The following MAF variants were observed in gnomAD, a reference collection of about 807,000 sequenced individuals.
The protein encoded by MAF is MAF bZIP transcription factor, also known as transcription factor Maf.
Under a neutral mutation model 22.0 loss-of-function variants are expected in MAF, and 10 were observed. That is an observed-to-expected ratio of 0.45 (90% CI 0.28 to 0.77). The LOEUF (loss-of-function observed/expected upper bound fraction) is 0.77, where lower values mean the gene tolerates loss of function less well. Ranked by LOEUF, MAF falls within the 30% of genes least tolerant of loss-of-function variation. The pLI is 0.12. For synonymous variants in MAF, 337 were observed against 255.8 expected (o/e 1.32, Z -3.03); for missense variants, 544 against 548.4 (o/e 0.99, Z 0.08).
chr16:79,410,892 G>A, the MAF span, among the ~76,000 whole-genome samples: 2 of 152,172 alleles, frequency 1.3e-5, no homozygotes, highest in African/African-American at 4.8e-5. Context: ...TTGCATAGAG[G>A]TGGATACCTG....
chr16:79,294,323 TGTTAGA>T, the MAF span, among the ~76,000 whole-genome samples: 3 of 152,246 alleles, frequency 2.0e-5, no homozygotes, highest in African/African-American at 4.8e-5. Flanking sequence ...CAATCATTGC[TGTTAGA>T]GTTAAACTGT....
the MAF span, among the ~76,000 whole-genome samples, chr16:79,479,686 T>G: frequency 6.6e-6 from 1 of 152,218 alleles, no homozygotes; most frequent in African/African-American, 2.4e-5. Context: ...CTACCTTATA[T>G]GCTAGGCAGA....
At chr16:79,243,285 T>C in the MAF span, among the ~76,000 whole-genome samples, 3 of 151,670 alleles carry the variant, frequency 2.0e-5, no homozygotes, top group Non-Finnish European at 4.4e-5. Context: ...TTTTTTATTT[T>C]TTTATTTTTG....
chr16:79,281,020 G>A, the MAF span, among the ~76,000 whole-genome samples: 6 of 152,038 alleles, frequency 3.9e-5, no homozygotes. Flanking sequence ...AAAGGCAGGT[G>A]AAAAAGCAGC....
chr16:79,312,633 T>C, the MAF span, among the ~76,000 whole-genome samples: 1 of 152,216 alleles, frequency 6.6e-6, no homozygotes, highest in Non-Finnish European at 1.5e-5. Context: ...TAGGACCGTC[T>C]CTGAAGGAAA....
chr16:79,488,352 T>A, the MAF span, among the ~76,000 whole-genome samples: 12 of 152,078 alleles, frequency 7.9e-5, no homozygotes, highest in Non-Finnish European at 1.5e-4. Flanking sequence ...ACCCCCTTAC[T>A]CTCCAGGTGC....
At chr16:79,266,886 C>T in the MAF span, among the ~76,000 whole-genome samples, 1 of 152,176 alleles carries the variant, frequency 6.6e-6, no homozygotes, top group Non-Finnish European at 1.5e-5. Context: ...TAGAAGTGTT[C>T]ACAGGGTATC....
chr16:79,520,343 C>G, the MAF span, among the ~76,000 whole-genome samples: 1 of 152,146 alleles, frequency 6.6e-6, no homozygotes, highest in Non-Finnish European at 1.5e-5. Flanking sequence ...TTCCCTACCA[C>G]GTACATTTCC....
the MAF span, among the ~76,000 whole-genome samples, chr16:79,286,260 T>C: frequency 6.6e-6 from 1 of 152,336 alleles, no homozygotes; most frequent in South Asian, 2.1e-4. Context: ...AAAGTCTATC[T>C]AGGTGAACAG....
chr16:79,244,388 G>C, the MAF span, among the ~76,000 whole-genome samples: 1 of 152,062 alleles, frequency 6.6e-6, no homozygotes, highest in Non-Finnish European at 1.5e-5. Context: ...CAAAATCAAT[G>C]TGCAAAAATC....
At chr16:79,269,688 G>A in the MAF span, among the ~76,000 whole-genome samples, 1 of 152,208 alleles carries the variant, frequency 6.6e-6, no homozygotes, top group South Asian at 2.1e-4. Context: ...CCTTCTCTGT[G>A]GCCTGTGACT....
At chr16:79,409,282 G>A in the MAF span, among the ~76,000 whole-genome samples, 3 of 152,270 alleles carry the variant, frequency 2.0e-5, no homozygotes, top group South Asian at 2.1e-4. Flanking sequence ...CTGAGTCAGC[G>A]ATCCAAACGT....
chr16:79,243,538 G>C, the MAF span, among the ~76,000 whole-genome samples: 2 of 151,912 alleles, frequency 1.3e-5, no homozygotes, highest in African/African-American at 2.4e-5. Context: ...TCCCTGAATA[G>C]ACCAATAACA....
the MAF span, among the ~76,000 whole-genome samples, chr16:79,412,668 A>G: frequency 6.6e-6 from 1 of 152,204 alleles, no homozygotes; most frequent in Non-Finnish European, 1.5e-5. Flanking sequence ...TTTCTCAGCT[A>G]TAAAATGGGG....
At chr16:79,465,288 T>C in the MAF span, among the ~76,000 whole-genome samples, 1 of 152,030 alleles carries the variant, frequency 6.6e-6, no homozygotes, top group Non-Finnish European at 1.5e-5. Context: ...GATGGCAGAG[T>C]AGGTCTTAAA....
chr16:79,332,595 G>C, the MAF span, among the ~76,000 whole-genome samples: 1 of 152,286 alleles, frequency 6.6e-6, no homozygotes, highest in African/African-American at 2.4e-5. Context: ...CACCACGCCT[G>C]ACTCACAATA....
chr16:79,565,506 T>TTG, the MAF span, among the ~76,000 whole-genome samples: 9,969 of 149,062 alleles, frequency 0.067, 444 homozygotes, highest in Middle Eastern at 0.15. Context: ...TCACGTGTTG[T>TTG]GGGGGGGGGG....
At chr16:79,470,325 G>A in the MAF span, among the ~76,000 whole-genome samples, 41 of 152,298 alleles carry the variant, frequency 2.7e-4, 1 homozygote, top group South Asian at 5.2e-3. Context: ...GGCAAAGTTA[G>A]GGGATGGGTC....
chr16:79,425,811 A>T, the MAF span, among the ~76,000 whole-genome samples: 1 of 152,336 alleles, frequency 6.6e-6, no homozygotes, highest in African/African-American at 2.4e-5. Flanking sequence ...GAGAAGGAAC[A>T]TTGCACACAG....
Sources: allele counts gnomAD v4.1 joint callset (sites outside exome capture counted in the v4.1 genomes callset), GRCh38; gene constraint gnomAD v4.1.1; transcripts MANE v1.5; gene names NCBI Gene and HGNC (gene_info 2026-07-23, HGNC 2026-07-21).